ITGBL1: variants seen among roughly 807,000 people sequenced by gnomAD.
ITGBL1 encodes integrin subunit beta like 1, also known as integrin beta-like protein 1.
In ITGBL1, 51 loss-of-function variants were observed where a neutral mutation model predicts 68.5. The observed-to-expected ratio is 0.74, with a 90% CI of 0.59 to 0.94. The LOEUF is 0.94. Ranked by LOEUF, ITGBL1 falls within the 40% of genes least tolerant of loss-of-function variation. The pLI, the probability that ITGBL1 is intolerant of heterozygous loss-of-function variation, is 0.00. For missense variants in ITGBL1, 649 were observed against 647.4 expected (o/e 1.00, Z -0.03); for synonymous variants, 209 against 227.3 (o/e 0.92, Z 0.72).
At chr13:101,521,516 C>CA (rs1354720796) in intron 2 of ITGBL1, among the ~76,000 whole-genome samples, 1 of 151,998 alleles carries the variant, frequency 6.6e-6, no homozygotes, top group Non-Finnish European at 1.5e-5. Flanking sequence ...AGACAGAGAC[C>CA]AGTGTGCCTG....
At chr13:101,525,890 C>G (rs903836087) in intron 2 of ITGBL1, among the ~76,000 whole-genome samples, 1 of 151,954 alleles carries the variant, frequency 6.6e-6, no homozygotes, top group African/African-American at 2.4e-5. Flanking sequence ...TGTGGTACCT[C>G]AAGACTCTCT....
At chr13:101,686,666 A>G (rs2139540358) in intron 7 of ITGBL1, among the ~76,000 whole-genome samples, 1 of 151,380 alleles carries the variant, frequency 6.6e-6, no homozygotes, top group East Asian at 2.0e-4. Flanking sequence ...GAATGAGATA[A>G]TGTGGATTAT....
At chr13:101,535,159 T>C (rs2049551016) in intron 2 of ITGBL1, among the ~76,000 whole-genome samples, 1 of 152,086 alleles carries the variant, frequency 6.6e-6, no homozygotes, top group South Asian at 2.1e-4. Context: ...TTATGCTCAA[T>C]ATATCTACGT....
chr13:101,582,713 C>A (rs1199467856), intron 5 of ITGBL1, among the ~76,000 whole-genome samples: 1 of 152,138 alleles, frequency 6.6e-6, no homozygotes, highest in Admixed American at 6.6e-5. Context: ...AGTTCTACCT[C>A]CAATGTCTCC....
chr13:101,631,379 A>ATT (rs113975835), intron 7 of ITGBL1, among the ~76,000 whole-genome samples: 145 of 148,222 alleles, frequency 9.8e-4, no homozygotes, highest in African/African-American at 2.8e-3. Flanking sequence ...TTTCCCAGTG[A>ATT]TTTTTTTTTT....
chr13:101,545,601 C>T (rs1398971173), intron 2 of ITGBL1, among the ~76,000 whole-genome samples: 6 of 151,994 alleles, frequency 3.9e-5, no homozygotes, highest in East Asian at 1.9e-4. Flanking sequence ...TTTAAAAAAA[C>T]GACATATAAT....
At chr13:101,607,623 A>G (rs1340135961) in intron 7 of ITGBL1, among the ~76,000 whole-genome samples, 1 of 152,034 alleles carries the variant, frequency 6.6e-6, no homozygotes, top group Non-Finnish European at 1.5e-5. Context: ...ATGAAAAAAA[A>G]TAAGTTAAAT....
chr13:101,464,311 T>G (rs2048354633), intron 2 of ITGBL1, among the ~76,000 whole-genome samples: 1 of 152,180 alleles, frequency 6.6e-6, no homozygotes, highest in Non-Finnish European at 1.5e-5. Context: ...TCAAATAATG[T>G]TCATTTTTCA....
intron 7 of ITGBL1, among the ~76,000 whole-genome samples, chr13:101,640,995 G>A (rs1009628809): frequency 2.0e-5 from 3 of 152,082 alleles, no homozygotes; most frequent in Non-Finnish European, 2.9e-5. Flanking sequence ...TACTACCATG[G>A]CACTTATGAC....
At chr13:101,549,340 A>G (rs902691686) in intron 2 of ITGBL1, among the ~76,000 whole-genome samples, 3 of 151,964 alleles carry the variant, frequency 2.0e-5, no homozygotes. Flanking sequence ...TTCAAGAAGA[A>G]AGCATAAGAG....
rs143600014 is a variant in ITGBL1 at position 101,670,969 on chromosome 13, T to G, written c.1016-21616T>G. ...TGTTATCTTAAAATGTTACATGCGA[T>G]AGAAATAACCGAATTTCTTCATCAA... is the stretch of plus-strand genomic sequence containing the variant. On this transcript the variant is annotated intron_variant, in intron 7 of 10. Transcript: ENST00000376180. 1.2e-4 allele frequency among the ~76,000 whole-genome samples: 18 copies of G among 152,318 alleles called. 1 individual carries two copies. The highest frequency in any genetic ancestry group is 4.3e-4 in the African/African-American group (18 of 41,574).
chr13:101,515,691 G>A (rs2049183724), intron 2 of ITGBL1, among the ~76,000 whole-genome samples: 1 of 152,018 alleles, frequency 6.6e-6, no homozygotes, highest in African/African-American at 2.4e-5. Context: ...GGTAGGGTTA[G>A]CCAATAGTGA....
At chr13:101,630,696 T>C (rs1184325574) in intron 7 of ITGBL1, among the ~76,000 whole-genome samples, 3 of 152,362 alleles carry the variant, frequency 2.0e-5, no homozygotes, top group Non-Finnish European at 4.4e-5. Context: ...TCAGTTTGTA[T>C]TCCAAATCAT....
intron 7 of ITGBL1, among the ~76,000 whole-genome samples, chr13:101,641,439 T>G (rs931451081): frequency 2.0e-5 from 3 of 152,052 alleles, no homozygotes; most frequent in Non-Finnish European, 4.4e-5. Flanking sequence ...TCTGATTTTT[T>G]GATTGTCTAT....
At chr13:101,611,070 T>C (rs1353202322) in intron 7 of ITGBL1, among the ~76,000 whole-genome samples, 1 of 152,032 alleles carries the variant, frequency 6.6e-6, no homozygotes, top group East Asian at 1.9e-4. Context: ...AATAAGAAAA[T>C]GGTGGGAGAC....
intron 2 of ITGBL1, among the ~76,000 whole-genome samples, chr13:101,539,150 C>A (rs1377077561): frequency 6.7e-6 from 1 of 149,378 alleles, no homozygotes; most frequent in Admixed American, 6.7e-5. Context: ...GTGCTGCACC[C>A]ATTAACTCGT....
At chr13:101,569,613 G>T (rs1385294075) in intron 3 of ITGBL1, among the ~76,000 whole-genome samples, 1 of 152,012 alleles carries the variant, frequency 6.6e-6, no homozygotes, top group South Asian at 2.1e-4. Context: ...TTTAATCTGG[G>T]TCATTTCCAC....
At chr13:101,553,957 A>T (rs538960914) in intron 2 of ITGBL1, among the ~76,000 whole-genome samples, 1 of 152,164 alleles carries the variant, frequency 6.6e-6, no homozygotes, top group South Asian at 2.1e-4. Context: ...TATTTTTAGT[A>T]GAGACGGGTT....
At chr13:101,673,219 T>G (rs2033419807) in intron 7 of ITGBL1, among the ~76,000 whole-genome samples, 1 of 152,292 alleles carries the variant, frequency 6.6e-6, no homozygotes, top group South Asian at 2.1e-4. Context: ...GGCAGGATAA[T>G]GGTATAGTTA....
Sources: gnomAD v4.1 joint callset for allele counts (sites outside exome capture counted in the v4.1 genomes callset) on GRCh38, gnomAD v4.1.1 for gene constraint, MANE v1.5 for transcripts, NCBI Gene and HGNC (gene_info 2026-07-23, HGNC 2026-07-21) for gene names.